The following ERG variants were observed in gnomAD, a reference collection of about 807,000 sequenced individuals.
ERG encodes ETS transcription factor ERG, also known as transcriptional regulator ERG.
In ERG, 9 loss-of-function variants were observed where a neutral mutation model predicts 55.3. The observed-to-expected ratio is 0.16, with a 90% CI of 0.10 to 0.28. ERG has a LOEUF of 0.28. Among genes scored for constraint, ERG ranks in the 10% least tolerant of loss-of-function variants. The probability of loss-of-function intolerance (pLI) is 1.00; values close to 1 mark genes in which losing one functional copy is unlikely to be tolerated. For missense variants in ERG, 434 were observed against 631.6 expected (o/e 0.69, Z 3.35); for synonymous variants, 223 against 237.3 (o/e 0.94, Z 0.55).
rs144012510 is a variant in ERG at position 38,423,527 on chromosome 21, C to G, written c.271G>C (p.Gly91Arg). The change falls in exon 3 of 10, where the codon GGG becomes CGG. Residue 91 changes from glycine to arginine, a missense_variant. Gly to Arg is a moderately radical substitution (Grantham distance 125). Around this residue, in one of 5 missense-constraint regions of ERG, gnomAD observed 212 missense variants for 262.9 expected, o/e 0.81. Transcript: ENST00000288319. ...GTGTCTGGGCTGCCCACCATCTTCC[C>G]GCCTTTGGCCACACTGCATTCATCA... ...SPDECSVAKG[G>R]KMVGSPDTVG... 1.9e-6 allele frequency: 3 copies of G among 1,613,956 alleles called. No homozygotes were observed.
chr21:38,612,609 A>C (rs2060234317), intron 1 of ERG, among the ~76,000 whole-genome samples: 1 of 152,154 alleles, frequency 6.6e-6, no homozygotes, highest in South Asian at 2.1e-4. Flanking sequence ...CAGAGGAAAA[A>C]ATGAAACACA....
At chr21:38,565,305 G>A (rs186937447) in intron 2 of ERG, among the ~76,000 whole-genome samples, 57 of 152,196 alleles carry the variant, frequency 3.7e-4, no homozygotes, top group African/African-American at 1.4e-3. Flanking sequence ...CAGCCAACAT[G>A]GTTCTTTTAG....
At chr21:38,570,434 TCACTC>T (rs1022172618) in intron 2 of ERG, among the ~76,000 whole-genome samples, 2 of 152,228 alleles carry the variant, frequency 1.3e-5, no homozygotes, top group Admixed American at 1.3e-4. Flanking sequence ...TCTGTATTTT[TCACTC>T]CACTCAGTGT....
chr21:38,562,976 G>T (rs748566468), intron 2 of ERG, among the ~76,000 whole-genome samples: 2 of 152,152 alleles, frequency 1.3e-5, no homozygotes, highest in East Asian at 1.9e-4. Context: ...ATGAAAAGAC[G>T]AGGAGGAAGC....
chr21:38,617,852 C>A (rs1389546641), intron 1 of ERG, among the ~76,000 whole-genome samples: 1 of 152,162 alleles, frequency 6.6e-6, no homozygotes, highest in African/African-American at 2.4e-5. Flanking sequence ...TGAAGAAGAA[C>A]TAAATGGAAT....
chr21:38,395,711 C>G (rs1024183035), intron 6 of ERG: 1 of 170,180 alleles, frequency 5.9e-6, no homozygotes, highest in Non-Finnish European at 1.3e-5. Flanking sequence ...GTGCTGACCA[C>G]TACACACCAG....
intron 1 of ERG, among the ~76,000 whole-genome samples, chr21:38,610,287 C>T (rs978736313): frequency 1.3e-5 from 2 of 152,192 alleles, no homozygotes; most frequent in African/African-American, 2.4e-5. Context: ...AAAAGCAATA[C>T]CCAAGCTTGA....
In ERG at chr21:38,498,096, C is replaced by T. The variant is rs546371027; in HGVS notation, c.18+267G>A. ...AGAATCTGAAAATTCAGAAGCGCTCCGAAAAGCCTTTCCAAAAGTAATCCA... is the reference window on the plus strand; with the variant it reads ...AGAATCTGAAAATTCAGAAGCGCTCTGAAAAGCCTTTCCAAAAGTAATCCA... On this transcript the variant is annotated intron_variant, in intron 1 of 9. Transcript: ENST00000288319. The surrounding 1 kb of genome is among the most constrained non-coding windows in gnomAD (Gnocchi z 4.6). 3.4e-4 allele frequency among the ~76,000 whole-genome samples: 52 copies of T among 152,268 alleles called. No individual in the cohort carries two copies. The highest frequency in any genetic ancestry group is 7.8e-4 in the Admixed American group (12 of 15,302).
At chr21:38,466,205 C>A (rs1056859694) in intron 1 of ERG, among the ~76,000 whole-genome samples, 2 of 151,776 alleles carry the variant, frequency 1.3e-5, no homozygotes, top group Non-Finnish European at 2.9e-5. Context: ...CATGTATCAG[C>A]ATTCTTGTAT....
At chr21:38,579,405 T>C (rs2060014339) in intron 1 of ERG, among the ~76,000 whole-genome samples, 2 of 152,110 alleles carry the variant, frequency 1.3e-5, no homozygotes, top group South Asian at 2.1e-4. Flanking sequence ...GGGAAACAGA[T>C]CTGTTTCATA....
At chr21:38,504,430 T>G (rs1371496684) in intron 2 of ERG, among the ~76,000 whole-genome samples, 1 of 152,250 alleles carries the variant, frequency 6.6e-6, no homozygotes, top group Admixed American at 6.5e-5. Context: ...GTCAATGTAT[T>G]ATCTGTGGTT....
intron 5 of ERG, 66 bp from the exon 6 acceptor site, chr21:38,400,711 C>T: frequency 4.0e-6 from 5 of 1,246,436 alleles, no homozygotes; most frequent in South Asian, 1.3e-5. Flanking sequence ...TCAACATCAG[C>T]GCCAAATCTA....
chr21:38,593,581 A>G (rs901438623), intron 1 of ERG, among the ~76,000 whole-genome samples: 33 of 152,378 alleles, frequency 2.2e-4, no homozygotes, highest in South Asian at 1.9e-3. Flanking sequence ...AAGCAAATGC[A>G]TAGACAACCA....
intron 9 of ERG, among the ~76,000 whole-genome samples, chr21:38,385,155 T>C (rs898025061): frequency 1.4e-4 from 21 of 152,256 alleles, no homozygotes; most frequent in Non-Finnish European, 4.4e-5. Flanking sequence ...TTCTAGCTGC[T>C]ATGTTACAAT....
intron 1 of ERG, among the ~76,000 whole-genome samples, chr21:38,627,800 TTAA>T (rs2060333870): frequency 6.6e-6 from 1 of 152,226 alleles, no homozygotes; most frequent in Admixed American, 6.5e-5. Flanking sequence ...TGAAAATATC[TTAA>T]TACTCCTATG....
chr21:38,429,454 T>C (rs955383246), intron 2 of ERG, among the ~76,000 whole-genome samples: 1 of 149,910 alleles, frequency 6.7e-6, no homozygotes, highest in African/African-American at 2.5e-5. Flanking sequence ...CGTGTACACA[T>C]GTACATATAC....
chr21:38,549,419 A>G (rs1432936400), intron 2 of ERG, among the ~76,000 whole-genome samples: 5 of 152,214 alleles, frequency 3.3e-5, no homozygotes, highest in African/African-American at 1.2e-4. Flanking sequence ...ACCGAAATCT[A>G]CAACTAAAGA....
chr21:38,442,131 C>T (rs1156787253), intron 2 of ERG, among the ~76,000 whole-genome samples: 3 of 152,188 alleles, frequency 2.0e-5, no homozygotes, highest in Non-Finnish European at 2.9e-5. Flanking sequence ...CAAGGCCGGG[C>T]GCGGTGGCTA....
intron 3 of ERG, among the ~76,000 whole-genome samples, chr21:38,419,526 C>CAT (rs1191845897): frequency 6.6e-6 from 1 of 151,632 alleles, no homozygotes; most frequent in African/African-American, 2.4e-5. Flanking sequence ...TACACACACA[C>CAT]ACACGTGCGT....
Sources: allele counts gnomAD v4.1 joint callset (sites outside exome capture counted in the v4.1 genomes callset), GRCh38; gene constraint gnomAD v4.1.1; regional missense constraint gnomAD v4.1.1; non-coding constraint Gnocchi (gnomAD v3.1); transcripts MANE v1.5; gene names NCBI Gene and HGNC (gene_info 2026-07-23, HGNC 2026-07-21).